EPB41L4B: variants seen among roughly 807,000 people sequenced by gnomAD.
EPB41L4B encodes the protein erythrocyte membrane protein band 4.1 like 4B.
Under a neutral mutation model 112.5 loss-of-function variants are expected in EPB41L4B, and 30 were observed. The ratio of observed to expected loss-of-function variants is 0.27; its 90% CI spans 0.20 to 0.36. The LOEUF (loss-of-function observed/expected upper bound fraction) is 0.36. Among genes scored for constraint, EPB41L4B ranks in the 10% least tolerant of loss-of-function variants. The pLI is 1.00. For synonymous variants in EPB41L4B, 408 were observed against 439.7 expected, an observed-to-expected ratio of 0.93 and a Z score of 0.90; for missense variants, 1,024 against 1,133.3, an observed-to-expected ratio of 0.90 and a Z score of 1.38.
intron 15 of EPB41L4B, among the ~76,000 whole-genome samples, chr9:109,234,266 CT>C (rs1341935794): frequency 6.6e-6 from 1 of 152,080 alleles, no homozygotes. Flanking sequence ...ATGCACATAC[CT>C]TTTAACCTGG....
chr9:109,222,978 G>C (rs1293527960), intron 15 of EPB41L4B, among the ~76,000 whole-genome samples: 1 of 152,094 alleles, frequency 6.6e-6, no homozygotes, highest in Non-Finnish European at 1.5e-5. Context: ...AGAAAAGCTA[G>C]TGTTCCTACT....
Position 109,293,709 on chromosome 9 carries a change from A to C in EPB41L4B, c.307-13788T>G, listed in dbSNP as rs532801053. ...AACATACACATTCTTAAAAAAAAAA[A>C]AAAAAAAAAAACATAAACTAAAAAC... On this transcript the variant is annotated intron_variant, in intron 1 of 25. Transcript: ENST00000374566. Among the ~76,000 whole-genome samples, 6 of 151,820 alleles carry C rather than the reference A, an allele frequency of 4.0e-5. No homozygotes were observed. The South Asian group carries it at 8.3e-4, about 21-fold the overall frequency.
intron 1 of EPB41L4B, among the ~76,000 whole-genome samples, chr9:109,281,740 T>A (rs1836067290): frequency 6.8e-6 from 1 of 147,464 alleles, no homozygotes; most frequent in African/African-American, 2.5e-5. Flanking sequence ...TAATTAATTT[T>A]AAAAAAGATC....
intron 2 of EPB41L4B, among the ~76,000 whole-genome samples, chr9:109,271,087 T>C (rs1196907440): frequency 1.3e-5 from 2 of 152,252 alleles, no homozygotes; most frequent in African/African-American, 4.8e-5. Context: ...TTTCAGGTTT[T>C]ACAGGCTAGT....
At chr9:109,293,690 C>T (rs1305225876) in intron 1 of EPB41L4B, among the ~76,000 whole-genome samples, 3 of 120,630 alleles carry the variant, frequency 2.5e-5, no homozygotes, top group African/African-American at 1.0e-4. Context: ...GGACAACATA[C>T]ACATTCTTAA....
At chr9:109,292,106 A>T (rs1836557697) in intron 1 of EPB41L4B, among the ~76,000 whole-genome samples, 1 of 152,210 alleles carries the variant, frequency 6.6e-6, no homozygotes, top group African/African-American at 2.4e-5. Flanking sequence ...ATCAACACAG[A>T]ACGCCTAACA....
At chr9:109,292,097 TC>T (rs1836557446) in intron 1 of EPB41L4B, among the ~76,000 whole-genome samples, 1 of 152,182 alleles carries the variant, frequency 6.6e-6, no homozygotes, top group African/African-American at 2.4e-5. Context: ...CCTCTTTCAA[TC>T]AACACAGAAC....
chr9:109,318,199 T>C (rs1046122802), intron 1 of EPB41L4B, among the ~76,000 whole-genome samples: 3 of 151,976 alleles, frequency 2.0e-5, no homozygotes, highest in African/African-American at 7.3e-5. Context: ...ATAAATACAA[T>C]GTGGGCTTCA....
chr9:109,181,044 C>T (rs10114919), intron 24 of EPB41L4B, among the ~76,000 whole-genome samples: 4,800 of 152,286 alleles, frequency 0.032, 220 homozygotes, highest in African/African-American at 0.11. Flanking sequence ...CAGGGTCTCA[C>T]TCTGTTGCCC....
At chr9:109,295,769 C>A (rs527890029) in intron 1 of EPB41L4B, among the ~76,000 whole-genome samples, 4 of 152,008 alleles carry the variant, frequency 2.6e-5, no homozygotes, top group Admixed American at 1.3e-4. Context: ...CCAAAAAAAA[C>A]CCCCAGACAG....
At chr9:109,276,315 G>C (rs903596524) in intron 2 of EPB41L4B, among the ~76,000 whole-genome samples, 1 of 151,670 alleles carries the variant, frequency 6.6e-6, no homozygotes. Flanking sequence ...GGGTGAGGGG[G>C]GGGTCATCTG....
At chr9:109,320,119 C>A in intron 1 of EPB41L4B, 22 bp downstream of exon 1, 1 of 1,427,048 alleles carries the variant, frequency 7.0e-7, no homozygotes, top group Non-Finnish European at 9.2e-7. Flanking sequence ...TGCCAGTGCC[C>A]CAGACTGGCC....
chr9:109,272,304 T>C (rs868309115), intron 2 of EPB41L4B, among the ~76,000 whole-genome samples: 34 of 151,990 alleles, frequency 2.2e-4, no homozygotes, highest in African/African-American at 8.2e-4. Flanking sequence ...AAACTTTTCT[T>C]TTTTAAAAAT....
At chr9:109,316,888 G>C (rs1837655375) in intron 1 of EPB41L4B, among the ~76,000 whole-genome samples, 1 of 152,104 alleles carries the variant, frequency 6.6e-6, no homozygotes, top group Non-Finnish European at 1.5e-5. Flanking sequence ...GATCGCTTGA[G>C]CCTACACGTT....
intron 15 of EPB41L4B, among the ~76,000 whole-genome samples, chr9:109,236,461 G>A (rs1834146993): frequency 6.6e-6 from 1 of 151,224 alleles, no homozygotes; most frequent in South Asian, 2.1e-4. Context: ...AGTTAAAATT[G>A]AGGCATTAAA....
At chr9:109,236,597 T>C (rs1834150891) in intron 15 of EPB41L4B, among the ~76,000 whole-genome samples, 1 of 152,208 alleles carries the variant, frequency 6.6e-6, no homozygotes, top group Non-Finnish European at 1.5e-5. Context: ...ACTGACCATT[T>C]AGAATGCCAC....
chr9:109,198,437 G>T (rs898218645), intron 20 of EPB41L4B, among the ~76,000 whole-genome samples: 1 of 152,138 alleles, frequency 6.6e-6, no homozygotes, highest in African/African-American at 2.4e-5. Flanking sequence ...AGGAAGAGAG[G>T]ATCAAACAGT....
intron 17 of EPB41L4B, among the ~76,000 whole-genome samples, chr9:109,212,077 C>T (rs1268104127): frequency 6.6e-6 from 1 of 152,072 alleles, no homozygotes; most frequent in Non-Finnish European, 1.5e-5. Flanking sequence ...CAGGGAAATG[C>T]TCGATAACCC....
chr9:109,276,862 A>G (rs1386048625), intron 2 of EPB41L4B, among the ~76,000 whole-genome samples: 1 of 152,150 alleles, frequency 6.6e-6, no homozygotes, highest in Non-Finnish European at 1.5e-5. Flanking sequence ...AATGAAAGAT[A>G]CCTCCTCCTT....
Sources: gnomAD v4.1 joint callset for allele counts (sites outside exome capture counted in the v4.1 genomes callset) on GRCh38, gnomAD v4.1.1 for gene constraint, MANE v1.5 for transcripts, NCBI Gene and HGNC (gene_info 2026-07-23, HGNC 2026-07-21) for gene names.